LRP1B: variants seen among roughly 807,000 people sequenced by gnomAD.
LRP1B encodes LDL receptor related protein 1B.
LRP1B carries 217 observed loss-of-function variants against 556.6 expected under a neutral mutation model. That is an observed-to-expected ratio of 0.39 (90% CI 0.35 to 0.44). The LOEUF (loss-of-function observed/expected upper bound fraction) is 0.44, where lower values mean the gene tolerates loss of function less well. LRP1B is among the 20% of genes least tolerant of loss of function. The pLI, the probability that LRP1B is intolerant of heterozygous loss-of-function variation, is 1.00. For synonymous variants in LRP1B, 2,047 were observed against 1,865.8 expected (o/e 1.10, Z -2.50); for missense variants, 5,053 against 5,620.8 (o/e 0.90, Z 3.23).
At chr2:141,843,158 A>C (rs1280495475) in intron 1 of LRP1B, among the ~76,000 whole-genome samples, 1 of 152,126 alleles carries the variant, frequency 6.6e-6, no homozygotes, top group Non-Finnish European at 1.5e-5. Flanking sequence ...TCTCTAATGA[A>C]TATTTTTGCA....
chr2:141,066,314 C>T (rs1699480235), intron 7 of LRP1B, among the ~76,000 whole-genome samples: 1 of 151,866 alleles, frequency 6.6e-6, no homozygotes, highest in African/African-American at 2.4e-5. Context: ...ATGAGCAGCC[C>T]CGTTTCACTA....
intron 2 of LRP1B, among the ~76,000 whole-genome samples, chr2:141,704,693 A>G (rs904869321): frequency 3.9e-5 from 6 of 151,942 alleles, no homozygotes; most frequent in African/African-American, 1.4e-4. Context: ...CATCTGATTC[A>G]TATTTTCTTC....
At chr2:140,835,066 A>T (rs1691853447) in intron 31 of LRP1B, among the ~76,000 whole-genome samples, 1 of 152,206 alleles carries the variant, frequency 6.6e-6, no homozygotes, top group Non-Finnish European at 1.5e-5. Flanking sequence ...TTTGAAATGT[A>T]TGTGAAGGAA....
intron 66 of LRP1B, among the ~76,000 whole-genome samples, chr2:140,404,581 A>G (rs1684652533): frequency 6.6e-6 from 1 of 152,164 alleles, no homozygotes; most frequent in African/African-American, 2.4e-5. Flanking sequence ...TCACATATCA[A>G]TATTAATGTT....
At chr2:141,048,567 G>T (rs1391559886) in intron 11 of LRP1B, among the ~76,000 whole-genome samples, 1 of 152,052 alleles carries the variant, frequency 6.6e-6, no homozygotes, top group Non-Finnish European at 1.5e-5. Flanking sequence ...GAATTGTGAT[G>T]ACAATGTGGA....
chr2:140,691,749 A>G (rs766546913), intron 41 of LRP1B, among the ~76,000 whole-genome samples: 13 of 152,182 alleles, frequency 8.5e-5, no homozygotes, highest in Non-Finnish European at 1.9e-4. Flanking sequence ...CCAAACATGC[A>G]TATGTATGAG....
chr2:142,097,915 G>C (rs79481158), intron 1 of LRP1B, among the ~76,000 whole-genome samples: 1 of 151,446 alleles, frequency 6.6e-6, no homozygotes. Context: ...CTTTACAATC[G>C]TGTCATGAGA....
chr2:142,036,288 A>G (rs1217256172), intron 1 of LRP1B, among the ~76,000 whole-genome samples: 1 of 151,726 alleles, frequency 6.6e-6, no homozygotes, highest in African/African-American at 2.4e-5. Flanking sequence ...AAGAATGAGA[A>G]AGTCATGTAA....
rs769717772 is a variant in LRP1B, at chr2:140,297,913, C to T, written c.12862G>A (p.Val4288Ile). 1.9e-6 allele frequency: 3 copies of T among 1,614,030 alleles called. No individual in the cohort carries two copies. Among genetic ancestry groups the T allele is most frequent in the Admixed American group, 1.7e-5 (1 of 60,026 alleles). Residue 4288 changes from valine to isoleucine, a missense_variant, in exon 84 of 91, where the codon GTC becomes ATC. This residue lies in a region of LRP1B where 551 missense variants were observed against 592.0 expected (regional missense o/e 0.93). Transcript: ENST00000389484. Reference sequence around the variant, plus strand: ...CCATTTTGACAAAAATCCTCACAGACTGTCTTACCACAGTTTGGCCCAGTG... The same window carrying T: ...CCATTTTGACAAAAATCCTCACAGATTGTCTTACCACAGTTTGGCCCAGTG... The part of the protein sequence containing the change: ...GFTGPNCGKT[V>I]CEDFCQNGGT...
intron 41 of LRP1B, among the ~76,000 whole-genome samples, chr2:140,699,459 A>C (rs1335075053): frequency 6.6e-6 from 1 of 151,924 alleles, no homozygotes; most frequent in Admixed American, 6.6e-5. Context: ...TCATATTCAA[A>C]TCCATATTAT....
chr2:141,776,459 T>C (rs997623715), intron 2 of LRP1B, among the ~76,000 whole-genome samples: 2 of 152,218 alleles, frequency 1.3e-5, no homozygotes, highest in Admixed American at 6.5e-5. Context: ...TATGATATTG[T>C]TTTGTGGATG....
intron 41 of LRP1B, among the ~76,000 whole-genome samples, chr2:140,647,684 A>G (rs1226396562): frequency 6.6e-6 from 1 of 152,178 alleles, no homozygotes; most frequent in Non-Finnish European, 1.5e-5. Flanking sequence ...AAAATTATGC[A>G]TTTTTGCTCA....
At chr2:141,374,620 T>C (rs1018978682) in intron 3 of LRP1B, among the ~76,000 whole-genome samples, 1 of 152,152 alleles carries the variant, frequency 6.6e-6, no homozygotes, top group Non-Finnish European at 1.5e-5. Flanking sequence ...AAAGGACACA[T>C]CTTCAAGTTA....
intron 2 of LRP1B, among the ~76,000 whole-genome samples, chr2:141,579,581 G>A (rs1686886716): frequency 6.6e-6 from 1 of 151,990 alleles, no homozygotes; most frequent in Admixed American, 6.6e-5. Context: ...GGTGGAAGGT[G>A]AGCAGAATAG....
At chr2:142,121,985 ATAAT>A (rs1707471828) in intron 1 of LRP1B, among the ~76,000 whole-genome samples, 2 of 152,200 alleles carry the variant, frequency 1.3e-5, no homozygotes, top group South Asian at 4.1e-4. Flanking sequence ...AGCAATTAAT[ATAAT>A]TAATAAAATA....
At chr2:141,104,212 T>A (rs1207675222) in intron 7 of LRP1B, among the ~76,000 whole-genome samples, 1 of 152,068 alleles carries the variant, frequency 6.6e-6, no homozygotes, top group Non-Finnish European at 1.5e-5. Context: ...CCTATTCCTG[T>A]GTTAATTTAT....
rs540838916 is a variant in LRP1B, at chr2:141,407,473, G to C, written c.343+72923C>G. The stretch of plus-strand genomic sequence containing the variant: ...TTGAATTGTAATCCCCAGTGTTGGA[G>C]GTGGGGCCTAGTGGGAGGTGTTTGG... On this transcript the variant is annotated intron_variant, in intron 3 of 90. Coordinates refer to ENST00000389484, the MANE Select transcript of LRP1B (RefSeq NM_018557.3). Among the ~76,000 whole-genome samples the C allele has an allele frequency of 8.5e-5, 13 of 152,254 alleles. No homozygotes were observed. In the South Asian group the frequency reaches 2.7e-3, roughly 32 times the overall value.
intron 1 of LRP1B, among the ~76,000 whole-genome samples, chr2:141,891,489 T>C (rs575603820): frequency 5.9e-5 from 9 of 152,262 alleles, no homozygotes; most frequent in African/African-American, 1.9e-4. Context: ...GCAAAGGTTA[T>C]ATATGCATAC....
chr2:141,784,793 C>T (rs773679460), intron 2 of LRP1B, among the ~76,000 whole-genome samples: 1 of 151,872 alleles, frequency 6.6e-6, no homozygotes, highest in African/African-American at 2.4e-5. Context: ...CATGACACTC[C>T]AAAATGGTCT....
Sources: allele counts gnomAD v4.1 joint callset (sites outside exome capture counted in the v4.1 genomes callset), GRCh38; gene constraint gnomAD v4.1.1; regional missense constraint gnomAD v4.1.1; transcripts MANE v1.5; gene names NCBI Gene and HGNC (gene_info 2026-07-23, HGNC 2026-07-21).